The following WDR81 variants were observed in gnomAD, a reference collection of about 807,000 sequenced individuals.
The protein encoded by WDR81 is WD repeat-containing protein 81.
WDR81 carries 92 observed loss-of-function variants against 140.8 expected under a neutral mutation model. The ratio of observed to expected loss-of-function variants is 0.65; its 90% CI spans 0.55 to 0.78. WDR81 has a LOEUF of 0.78. Among genes scored for constraint, WDR81 ranks in the 30% least tolerant of loss-of-function variants. WDR81 has a pLI of 0.00. For synonymous variants in WDR81, 1,183 were observed against 1,156.4 expected (o/e 1.02, Z -0.47); for missense variants, 2,502 against 2,636.4 (o/e 0.95, Z 1.12).
rs1422975689 is a variant in WDR81, at chr17:1,727,761, G to T, written c.2802G>T (p.Glu934Asp). Reference protein sequence around the residue: ...LLPFVLSLMSEEHTAVYTAWY... With the variant: ...LLPFVLSLMSDEHTAVYTAWY... ...CCTTCGTGCTCTCACTCATGTCCGA[G>T]GAGCACACAGCTGTGTACACGGCCT... is the stretch of plus-strand genomic sequence containing the variant. The change falls in exon 1 of 10, where the codon GAG (glutamate) becomes GAT (aspartate). Residue 934 changes from glutamate to aspartate, a missense_variant. Glu to Asp is a conservative substitution (Grantham distance 45, BLOSUM62 2). Around this residue, in one of 3 missense-constraint regions of WDR81, gnomAD observed 1,737 missense variants for 1,843.0 expected, o/e 0.94. Coordinates refer to ENST00000409644, the MANE Select transcript of WDR81 (RefSeq NM_001163809.2). 1 of 1,550,742 alleles carries T rather than the reference G, an allele frequency of 6.4e-7. No homozygotes were observed. Among genetic ancestry groups the T allele is most frequent in the East Asian group, 2.4e-5 (1 of 40,920 alleles).
intron 1 of WDR81, among the ~76,000 whole-genome samples, chr17:1,717,869 C>G (rs1914663639): frequency 6.6e-6 from 1 of 152,172 alleles, no homozygotes; most frequent in South Asian, 2.1e-4. Flanking sequence ...TAGACCCTCC[C>G]TGGTCTAGGG....
intron 4 of WDR81, 60 bp downstream of exon 4, chr17:1,731,318 G>GGGGTGGGAAGCTCAGGGGAGA (rs1904331124): frequency 1.9e-6 from 3 of 1,549,624 alleles, no homozygotes; most frequent in Non-Finnish European, 2.6e-6. Flanking sequence ...TGCCCAGGAG[G>GGGGTGGGAAGCTCAGGGGAGA]GGGTGGGAAG....
In WDR81 at chr17:1,733,651, C is replaced by T. The variant is rs146469235; in HGVS notation, c.4614C>T (p.Thr1538=). Residue 1538 remains threonine, a synonymous_variant, in exon 7 of 10, where the codon ACC becomes ACT. Transcript: ENST00000409644. ...GCGTGGAGCCCACCATGCCCGGCAC[C>T]GGGCCCGAGTGGGACCCCCATGGTG... ...PASVEPTMPG[T]GPEWDPHGGG... 43,754 of 1,605,846 alleles carry T rather than the reference C, an allele frequency of 0.027. 734 individuals are homozygous for T. The highest frequency in any genetic ancestry group is 0.032 in the Non-Finnish European group (37,044 of 1,175,738).
Position 1,727,896 on chromosome 17 carries a change from C to T in WDR81, c.2937C>T (p.Arg979=). ...AGAGCCCCTGCCAGCTACACGGCCG[C>T]TTCTACCTGTACACGGACTGCTTTG... ...AYESPCQLHG[R]FYLYTDCFVA... Residue 979 remains arginine (R), a synonymous_variant, in exon 1 of 10, where the codon CGC becomes CGT. Coordinates refer to ENST00000409644, the MANE Select transcript of WDR81 (RefSeq NM_001163809.2). The T allele has an allele frequency of 1.3e-6, 2 of 1,550,800 alleles. No individual in the cohort carries two copies. The highest frequency in any genetic ancestry group is 1.7e-6 in the Non-Finnish European group (2 of 1,147,070).
chr17:1,730,859 C>T lies in WDR81; in HGVS notation c.3880C>T (p.Pro1294Ser). The change falls in exon 3 of 10, where the codon CCT becomes TCT. Residue 1294 changes from proline (P) to serine (S), a missense_variant. Pro to Ser is a moderately conservative substitution (Grantham distance 74). Transcript: ENST00000409644. Reference sequence around the variant, plus strand: ...GGTCCTGGGCGACATCGTGTCAGGGCCTGTGCTCAGCTGCCTCCTCCACAT... The same window carrying T: ...GGTCCTGGGCGACATCGTGTCAGGGTCTGTGCTCAGCTGCCTCCTCCACAT... ...RPVLGDIVSG[P>S]VLSCLLHIAR... 1.2e-6 allele frequency: 2 copies of T among 1,612,934 alleles called. No homozygotes were observed. Among genetic ancestry groups the T allele is most frequent in the Non-Finnish European group, 1.7e-6 (2 of 1,179,990 alleles).
In WDR81 at chr17:1,732,734, G is replaced by C; in HGVS notation, c.4392G>C (p.Gln1464His). The C allele has an allele frequency of 6.2e-7, 1 of 1,612,966 alleles. No homozygotes were observed. Among genetic ancestry groups the C allele is most frequent in the Non-Finnish European group, 8.5e-7 (1 of 1,179,938 alleles). ...CACAGGTGGTCTTCTCTGATGGGCA[G>C]CAGCGGCCCGTGGACCCCGCCCTGC... The part of the protein sequence containing the change: ...QLPQVVFSDG[Q>H]QRPVDPALLD... Residue 1464 changes from glutamine to histidine, a missense_variant, in exon 6 of 10, where the codon CAG becomes CAC. Around this residue, in one of 3 missense-constraint regions of WDR81, gnomAD observed 1,737 missense variants for 1,843.0 expected, o/e 0.94. Transcript: ENST00000409644.
Position 1,724,947 on chromosome 17 carries a change from C to A in WDR81, c.-13C>A. On this transcript the variant is annotated 5_prime_UTR_variant, in exon 1 of 10. Transcript: ENST00000409644. ...GGCTCAGCCCCGCGCTGCCCCCGGG[C>A]GGCCTGGAGGAGATGGCCCAGGGCA... 1.4e-6 allele frequency: 2 copies of A among 1,389,522 alleles called. No individual in the cohort carries two copies. The highest frequency in any genetic ancestry group is 1.9e-6 in the Non-Finnish European group (2 of 1,076,612). 86.1% of individuals were successfully genotyped at this position (1,389,522 alleles called of 1,614,324 possible). A position where few individuals can be genotyped will look rare whatever the true frequency, so the allele number is the denominator to read the frequency against.
rs1460415975 is a variant in WDR81, at chr17:1,727,136, A to C, written c.2177A>C (p.Asn726Thr). Reference sequence around the variant, plus strand: ...AGGATTCTTCTTCCCGAGGGCTTCAATCCCATGCAGGCCCTGGAGGAGCTG... The same window carrying C: ...AGGATTCTTCTTCCCGAGGGCTTCACTCCCATGCAGGCCCTGGAGGAGCTG... The part of the protein sequence containing the change: ...EGRILLPEGF[N>T]PMQALEELEK... Residue 726 changes from asparagine (N) to threonine (T), a missense_variant, in exon 1 of 10, where the codon AAT becomes ACT. Around this residue, in one of 3 missense-constraint regions of WDR81, gnomAD observed 1,737 missense variants for 1,843.0 expected, o/e 0.94. Transcript: ENST00000409644. The C allele has an allele frequency of 6.5e-7, 1 of 1,547,818 alleles. No homozygotes were observed. Among genetic ancestry groups the C allele is most frequent in the South Asian group, 1.2e-5 (1 of 83,942 alleles).
In WDR81 at chr17:1,730,230, G is replaced by C. The variant is rs567143478; in HGVS notation, c.3668-150G>C. The C allele has an allele frequency of 2.2e-5, 14 of 630,104 alleles. No individual in the cohort carries two copies. In the Admixed American group the frequency reaches 3.0e-4, roughly 13 times the overall value. The allele number at this position is 630,104 out of a possible 1,614,324, so 39.0% of individuals were successfully genotyped here. On this transcript the variant is annotated intron_variant, in intron 1 of 9. Transcript: ENST00000409644. ...GCCTGGGCACCTCTGCCGCTGTTAC[G>C]TGGAGGGGGTGGTGTGGGACAGCCG...
rs752989906 is a variant in WDR81 at position 1,726,671 on chromosome 17, C to A, written c.1712C>A (p.Ala571Asp). The stretch of plus-strand genomic sequence containing the variant: ...AATGTGTGTCTGCACCTGGTGGACG[C>A]CCACACTCACCTGGCCAGCTACGGG... ...EKNVCLHLVD[A>D]HTHLASYGVV... Residue 571 changes from alanine (A) to aspartate (D), a missense_variant, in exon 1 of 10, where the codon GCC becomes GAC. Physicochemically the swap from Ala to Asp is moderately radical, Grantham distance 126. This residue lies in a region of WDR81 where 218 missense variants were observed against 279.6 expected (regional missense o/e 0.78). Transcript: ENST00000409644. 30 of 1,549,982 alleles carry A rather than the reference C, an allele frequency of 1.9e-5. No homozygotes were observed. Among genetic ancestry groups the A allele is most frequent in the Non-Finnish European group, 2.4e-5 (27 of 1,146,980 alleles).
chr17:1,730,263 C>A, intron 1 of WDR81, 117 bp from the exon 2 acceptor site: 1 of 797,000 alleles, frequency 1.3e-6, no homozygotes, highest in Non-Finnish European at 1.9e-6. Context: ...CCGGCCCGGG[C>A]TGGGCTCTTG....
In WDR81 at chr17:1,726,111, C is replaced by T. The variant is rs1398710899; in HGVS notation, c.1152C>T (p.Pro384=). The T allele has an allele frequency of 1.9e-6, 3 of 1,545,460 alleles. No individual in the cohort carries two copies. The South Asian group carries it at 3.6e-5, about 18-fold the overall frequency. ...QGDPNYHPVL[P]WVVDFTTPHG... Reference sequence around the variant, plus strand: ...ACCCCAACTACCACCCCGTGCTGCCCTGGGTGGTGGACTTCACTACGCCCC... The same window carrying T: ...ACCCCAACTACCACCCCGTGCTGCCTTGGGTGGTGGACTTCACTACGCCCC... The change falls in exon 1 of 10, where the codon CCC becomes CCT. Residue 384 remains proline (P), a synonymous_variant. Coordinates refer to ENST00000409644, the MANE Select transcript of WDR81 (RefSeq NM_001163809.2).
In WDR81 at chr17:1,735,821, CTAGT is replaced by C; in HGVS notation, c.5325+110_5325+113del. 1.4e-6 allele frequency: 2 copies of C among 1,467,388 alleles called. No homozygotes were observed. Among genetic ancestry groups the C allele is most frequent in the Admixed American group, 2.4e-5 (1 of 42,342 alleles). 90.9% of individuals were successfully genotyped at this position (1,467,388 alleles called of 1,614,324 possible). A position where few individuals can be genotyped will look rare whatever the true frequency, so the allele number is the denominator to read the frequency against. On this transcript the variant is annotated intron_variant, in intron 8 of 9. Transcript: ENST00000409644. This position sits in a 1 kb window ranked among gnomAD's most constrained non-coding sequence, Gnocchi z 4.2. ...AAAGCCAGGATGTTGTTCTGGGGCCCTAGTTAGTTTCTCTTTGGTGCTAGATCAC... is the reference window on the plus strand; with the variant it reads ...AAAGCCAGGATGTTGTTCTGGGGCCCTAGTTTCTCTTTGGTGCTAGATCAC...
Position 1,732,749 on chromosome 17 carries a change from CCCCG to C in WDR81, c.4411_4414del (p.Ala1471CysfsTer131), listed in dbSNP as rs770268128. The C allele has an allele frequency of 2.4e-5, 39 of 1,612,950 alleles. No individual in the cohort carries two copies. The highest frequency in any genetic ancestry group is 3.0e-5 in the Non-Finnish European group (35 of 1,179,966). On this transcript the variant is annotated frameshift_variant, in exon 6 of 10. Coordinates refer to ENST00000409644, the MANE Select transcript of WDR81 (RefSeq NM_001163809.2). LOFTEE classifies it high-confidence loss of function. ...CTGATGGGCAGCAGCGGCCCGTGGA[CCCCG>C]CCCTGCTGGACGAGCTGCAGAAGGT...
Position 1,728,337 on chromosome 17 carries a change from C to A in WDR81, c.3378C>A (p.Asp1126Glu), listed in dbSNP as rs200728574. The change falls in exon 1 of 10, where the codon GAC becomes GAA. Residue 1126 changes from aspartate (D) to glutamate (E), a missense_variant. This residue lies in a region of WDR81 where 1,737 missense variants were observed against 1,843.0 expected (regional missense o/e 0.94). Coordinates refer to ENST00000409644, the MANE Select transcript of WDR81 (RefSeq NM_001163809.2). ...ETSLGEERAP[D>E]EGGAPVDKSS... ...CCCTGGGTGAGGAGCGGGCTCCAGACGAGGGGGGTGCCCCCGTGGACAAGA... is the reference window on the plus strand; with the variant it reads ...CCCTGGGTGAGGAGCGGGCTCCAGAAGAGGGGGGTGCCCCCGTGGACAAGA... 4 of 1,612,776 alleles carry A rather than the reference C, an allele frequency of 2.5e-6. No individual in the cohort carries two copies. Among genetic ancestry groups the A allele is most frequent in the Non-Finnish European group, 3.4e-6 (4 of 1,180,012 alleles).
intron 6 of WDR81, among the ~76,000 whole-genome samples, chr17:1,733,183 C>T (rs11657222): frequency 0.15 from 22,874 of 152,156 alleles, 2,127 homozygotes; most frequent in Non-Finnish European, 0.21. Flanking sequence ...ATCGTTTCAG[C>T]GTGTCATCTC....
At chr17:1,734,324 C>A in intron 7 of WDR81, 108 bp downstream of exon 7, 1 of 1,303,238 alleles carries the variant, frequency 7.7e-7, no homozygotes, top group Non-Finnish European at 1.0e-6. Context: ...TTTGGGGAGA[C>A]CCAGCGAGGC....
At chr17:1,736,713 C>A (rs1007744800) in intron 9 of WDR81, among the ~76,000 whole-genome samples, 2 of 152,188 alleles carry the variant, frequency 1.3e-5, no homozygotes, top group Non-Finnish European at 2.9e-5. Context: ...TCCCCTCCCC[C>A]TCCCTCCATT....
rs746605148 is a variant in WDR81 at position 1,725,000 on chromosome 17, C to G, written c.41C>G (p.Thr14Ser). Residue 14 changes from threonine to serine, a missense_variant, in exon 1 of 10, where the codon ACC (threonine) becomes AGC (serine). Physicochemically the swap from Thr to Ser is moderately conservative, Grantham distance 58. Transcript: ENST00000409644. Reference sequence around the variant, plus strand: ...GGGGGGCGGGAAGGCGCTCTCAGAACCCCGGCCGGGGGCTGGCATTCCCCG... The same window carrying G: ...GGGGGGCGGGAAGGCGCTCTCAGAAGCCCGGCCGGGGGCTGGCATTCCCCG... ...GSGGREGALR[T>S]PAGGWHSPPS... 2 of 1,468,582 alleles carry G rather than the reference C, an allele frequency of 1.4e-6. No individual in the cohort carries two copies. The highest frequency in any genetic ancestry group is 1.8e-6 in the Non-Finnish European group (2 of 1,112,998). 91.0% of individuals were successfully genotyped at this position (1,468,582 alleles called of 1,614,324 possible). A position where few individuals can be genotyped will look rare whatever the true frequency, so the allele number is the denominator to read the frequency against.
Sources: gnomAD v4.1 joint callset for allele counts (sites outside exome capture counted in the v4.1 genomes callset) on GRCh38, gnomAD v4.1.1 for gene constraint, gnomAD v4.1.1 regional missense constraint, Gnocchi (gnomAD v3.1) non-coding constraint, MANE v1.5 for transcripts, NCBI Gene and HGNC (gene_info 2026-07-23, HGNC 2026-07-21) for gene names.